CPVL: variants seen among roughly 807,000 people sequenced by gnomAD.
The protein encoded by CPVL is carboxypeptidase vitellogenic like, also known as probable serine carboxypeptidase CPVL.
A neutral mutation model predicts 63.7 loss-of-function variants in CPVL; 51 were observed. The ratio of observed to expected loss-of-function variants is 0.80; its 90% CI spans 0.64 to 1.01. The LOEUF (loss-of-function observed/expected upper bound fraction) is 1.01, where lower values mean the gene tolerates loss of function less well. Ranked by LOEUF, CPVL falls within the 50% of genes least tolerant of loss-of-function variation. CPVL has a pLI of 0.00. For synonymous variants in CPVL, 195 were observed against 206.0 expected, an observed-to-expected ratio of 0.95 and a Z score of 0.46; for missense variants, 530 against 573.1, an observed-to-expected ratio of 0.92 and a Z score of 0.77.
chr7:29,154,179 G>A (rs1310251960), intron 5 of CPVL, among the ~76,000 whole-genome samples: 1 of 152,124 alleles, frequency 6.6e-6, no homozygotes, highest in Non-Finnish European at 1.5e-5. Context: ...GGAGGAGGGT[G>A]GTGGGCTTCT....
intron 9 of CPVL, among the ~76,000 whole-genome samples, chr7:29,068,119 C>T (rs1041118744): frequency 8.6e-5 from 13 of 151,820 alleles, no homozygotes; most frequent in Non-Finnish European, 1.6e-4. Context: ...ATTCTCCTGC[C>T]TCAGCCTCCC....
At chr7:29,130,447 A>G (rs1244651304) in intron 1 of CPVL, among the ~76,000 whole-genome samples, 1 of 152,176 alleles carries the variant, frequency 6.6e-6, no homozygotes, top group African/African-American at 2.4e-5. Context: ...ATAAGGAAAA[A>G]CATTTGGGAA....
intron 12 of CPVL, among the ~76,000 whole-genome samples, chr7:28,999,797 CCAAA>C (rs1241319693): frequency 3.9e-5 from 6 of 152,116 alleles, no homozygotes; most frequent in Non-Finnish European, 8.8e-5. Context: ...CACAAAATTC[CCAAA>C]CAAAGCATAT....
chr7:29,086,798 TTTGG>T (rs1785247032), intron 6 of CPVL, among the ~76,000 whole-genome samples: 1 of 152,168 alleles, frequency 6.6e-6, no homozygotes, highest in Non-Finnish European at 1.5e-5. Context: ...GATATACCAG[TTTGG>T]ATCATCTAAC....
intron 3 of CPVL, among the ~76,000 whole-genome samples, chr7:29,097,458 G>A (rs536376917): frequency 1.3e-5 from 2 of 152,370 alleles, no homozygotes; most frequent in South Asian, 4.1e-4. Context: ...ACTTTGGGAG[G>A]CCAAGGCGGG....
At chr7:29,003,400 A>G (rs1455102584) in intron 12 of CPVL, among the ~76,000 whole-genome samples, 3 of 152,234 alleles carry the variant, frequency 2.0e-5, no homozygotes, top group Non-Finnish European at 2.9e-5. Context: ...AAGACCTTGT[A>G]AAGATATTTT....
intron 8 of CPVL, 79 bp from the exon 9 acceptor site, chr7:29,071,983 T>G (rs760095460): frequency 6.5e-7 from 1 of 1,546,024 alleles, no homozygotes. Flanking sequence ...CTTGGTGAAA[T>G]AATCCTTTGT....
chr7:29,104,432 T>G (rs1584272941), intron 3 of CPVL, among the ~76,000 whole-genome samples: 1 of 152,284 alleles, frequency 6.6e-6, no homozygotes, highest in East Asian at 1.9e-4. Context: ...GGCTAATTTT[T>G]GTATTTTTAT....
chr7:29,072,082 A>T (rs1383993362), intron 8 of CPVL, among the ~76,000 whole-genome samples, 178 bp from the exon 9 acceptor site: 1 of 152,184 alleles, frequency 6.6e-6, no homozygotes, highest in Non-Finnish European at 1.5e-5. Context: ...AGAACACAAC[A>T]CAATACAAAC....
chr7:29,098,996 C>T (rs1786758822), intron 3 of CPVL, among the ~76,000 whole-genome samples: 2 of 152,028 alleles, frequency 1.3e-5, no homozygotes, highest in South Asian at 2.1e-4. Flanking sequence ...ACCCAGGAGG[C>T]GGTCATTGCG....
chr7:29,146,729 G>C (rs554088638), upstream of CPVL: 39 of 1,550,512 alleles, frequency 2.5e-5, no homozygotes, highest in African/African-American at 3.8e-4. Context: ...GAAGAGCATC[G>C]GCGGGGTGCC....
chr7:29,190,219 G>A (rs1267394965), intron 1 of CPVL, among the ~76,000 whole-genome samples: 1 of 152,248 alleles, frequency 6.6e-6, no homozygotes, highest in Non-Finnish European at 1.5e-5. Context: ...GCATTTTGAT[G>A]TTGAGAAATT....
chr7:29,112,656 C>A lies in CPVL; in HGVS notation c.288+48G>T. On this transcript the variant is annotated intron_variant, in intron 3 of 12. Coordinates refer to ENST00000265394, the MANE Select transcript of CPVL (RefSeq NM_031311.5). The stretch of plus-strand genomic sequence containing the variant: ...GTAGGCTAACATTTCTACCCTCAAA[C>A]GGCAAGCCAGGTCTTGAACACTGGT... The A allele has an allele frequency of 2.4e-6, 3 of 1,274,136 alleles. No individual in the cohort carries two copies. In the East Asian group the frequency reaches 7.0e-5, roughly 30 times the overall value. The allele number at this position is 1,274,136 out of a possible 1,614,324, so 78.9% of individuals were successfully genotyped here.
chr7:29,111,796 G>T (rs181350735), intron 3 of CPVL, among the ~76,000 whole-genome samples: 6 of 152,166 alleles, frequency 3.9e-5, no homozygotes, highest in Non-Finnish European at 7.4e-5. Context: ...AATTTACTCA[G>T]TTACTACAGA....
intron 1 of CPVL, among the ~76,000 whole-genome samples, chr7:29,125,682 C>T (rs1789940561): frequency 6.6e-6 from 1 of 151,550 alleles, no homozygotes; most frequent in Non-Finnish European, 1.5e-5. Context: ...CGTGAGCCAC[C>T]GCCCCCGGCC....
At chr7:29,030,044 C>T (rs1562731055) in intron 12 of CPVL, among the ~76,000 whole-genome samples, 1 of 152,144 alleles carries the variant, frequency 6.6e-6, no homozygotes, top group Admixed American at 6.5e-5. Context: ...AAAGAGGAAA[C>T]ACTTCCCAAC....
rs773880380 is a variant in CPVL at position 29,030,705 on chromosome 7, G to A, written c.1192C>T (p.Arg398Cys). 2.4e-5 allele frequency: 39 copies of A among 1,613,102 alleles called. No homozygotes were observed. The highest frequency in any genetic ancestry group is 1.6e-4 in the Middle Eastern group (1 of 6,080). ...TTCCAGTCCATGCCCATCAAGGAGC[G>A]CTCTGTCAGGGCAGCTGCCACGATG... ...DIIVAAALTE[R>C]SLMGMDWKGS... Residue 398 changes from arginine to cysteine, a missense_variant, in exon 12 of 13, where the codon CGC becomes TGC. Coordinates refer to ENST00000265394, the MANE Select transcript of CPVL (RefSeq NM_031311.5).
intron 5 of CPVL, among the ~76,000 whole-genome samples, chr7:29,170,755 A>T (rs28694309): frequency 5.3e-5 from 8 of 152,228 alleles, no homozygotes; most frequent in Non-Finnish European, 1.2e-4. Context: ...AAGAGGTTTA[A>T]TTGGACTTAT....
chr7:29,157,867 GA>G (rs1170795965), intron 5 of CPVL, among the ~76,000 whole-genome samples: 1 of 152,190 alleles, frequency 6.6e-6, no homozygotes, highest in Admixed American at 6.5e-5. Flanking sequence ...TAGATTATTA[GA>G]AATGTCATGT....
Sources: gnomAD v4.1 joint callset for allele counts (sites outside exome capture counted in the v4.1 genomes callset) on GRCh38, gnomAD v4.1.1 for gene constraint, MANE v1.5 for transcripts, NCBI Gene and HGNC (gene_info 2026-07-23, HGNC 2026-07-21) for gene names.